Variants in ZC3H12B observed in about 807,000 individuals in gnomAD.
ZC3H12B encodes probable ribonuclease ZC3H12B.
In ZC3H12B, 7 loss-of-function variants were observed where a neutral mutation model predicts 43.9. The ratio of observed to expected loss-of-function variants is 0.16; its 90% CI spans 0.09 to 0.30. The LOEUF (loss-of-function observed/expected upper bound fraction) is 0.30, where lower values mean the gene tolerates loss of function less well. ZC3H12B is among the 10% of genes least tolerant of loss of function. The pLI, the probability that ZC3H12B is intolerant of heterozygous loss-of-function variation, is 1.00. For synonymous variants in ZC3H12B, 222 were observed against 241.7 expected, an observed-to-expected ratio of 0.92 and a Z score of 0.76; for missense variants, 475 against 670.2, an observed-to-expected ratio of 0.71 and a Z score of 3.22.
At chrX:65,387,338 C>A (rs1488785583) in intron 2 of ZC3H12B, among the ~76,000 whole-genome samples, 1 of 111,878 alleles carries the variant, frequency 8.9e-6, no homozygotes, top group African/African-American at 3.3e-5. Context: ...GTGTTGGGTG[C>A]ATACATATTT....
the ZC3H12B span, among the ~76,000 whole-genome samples, chrX:65,159,123 T>G: frequency 8.9e-6 from 1 of 111,930 alleles, no homozygotes; most frequent in Admixed American, 9.5e-5. Context: ...TTCTGTTCCA[T>G]TGGTCTATGT....
At chrX:65,245,022 G>T in the ZC3H12B span, among the ~76,000 whole-genome samples, 1 of 111,172 alleles carries the variant, frequency 9.0e-6, no homozygotes, top group Non-Finnish European at 1.9e-5. Context: ...ACGTAGAGAA[G>T]ATTCAGATCA....
At chrX:65,305,598 C>T in the ZC3H12B span, among the ~76,000 whole-genome samples, 1 of 111,707 alleles carries the variant, frequency 9.0e-6, no homozygotes, top group Non-Finnish European at 1.9e-5. Context: ...TTCTTTTAAT[C>T]CTTTCAGTAA....
the ZC3H12B span, among the ~76,000 whole-genome samples, chrX:65,058,032 C>T: frequency 8.9e-6 from 1 of 112,000 alleles, no homozygotes; most frequent in Non-Finnish European, 1.9e-5. Flanking sequence ...GTTCGAACTT[C>T]CTCCTTTAGC....
the ZC3H12B span, among the ~76,000 whole-genome samples, chrX:65,339,663 G>C: frequency 9.0e-6 from 1 of 111,450 alleles, no homozygotes; most frequent in Non-Finnish European, 1.9e-5. Flanking sequence ...AGTCTGACCT[G>C]AGCACCCCTT....
At chrX:65,159,566 C>T in the ZC3H12B span, among the ~76,000 whole-genome samples, 43 of 111,251 alleles carry the variant, frequency 3.9e-4, no homozygotes, top group Admixed American at 3.7e-3. Context: ...GGCTCTCTGT[C>T]TGTTATTGGT....
At chrX:65,132,660 G>A in the ZC3H12B span, among the ~76,000 whole-genome samples, 1 of 111,388 alleles carries the variant, frequency 9.0e-6, no homozygotes, top group Non-Finnish European at 1.9e-5. Context: ...AACTAAGAAG[G>A]AGTGCATAAA....
the ZC3H12B span, among the ~76,000 whole-genome samples, chrX:65,218,273 A>C: frequency 1.8e-5 from 2 of 112,133 alleles, no homozygotes; most frequent in African/African-American, 6.5e-5. Context: ...TTTTGCTCCA[A>C]GAATTACCAC....
chrX:65,489,298 G>A (rs764577703), exon 1 of ZC3H12B: 16 of 1,209,672 alleles, frequency 1.3e-5, no homozygotes, highest in African/African-American at 5.3e-5. Flanking sequence ...TTAGTGCCTC[G>A]TGGGCCCAGC....
At chrX:65,175,013 C>A in the ZC3H12B span, among the ~76,000 whole-genome samples, 14 of 112,228 alleles carry the variant, frequency 1.2e-4, no homozygotes, top group African/African-American at 4.5e-4. Flanking sequence ...GAAACCCAGG[C>A]CCCTTCAGTG....
the ZC3H12B span, among the ~76,000 whole-genome samples, chrX:65,042,427 T>C: frequency 8.9e-6 from 1 of 112,503 alleles, no homozygotes; most frequent in Non-Finnish European, 1.9e-5. Context: ...GAGTATAAGC[T>C]TAGAAAAAAA....
intron 3 of ZC3H12B, among the ~76,000 whole-genome samples, chrX:65,464,422 A>G (rs1426547196): frequency 9.5e-6 from 1 of 105,030 alleles, no homozygotes; most frequent in Non-Finnish European, 1.9e-5. Flanking sequence ...TATTCATACT[A>G]TAGCATTTCC....
chrX:65,472,838 A>ATGTTTGTG, intron 3 of ZC3H12B, among the ~76,000 whole-genome samples: 1 of 88,758 alleles, frequency 1.1e-5, no homozygotes, highest in African/African-American at 4.3e-5. Context: ...ATATATATAT[A>ATGTTTGTG]TATATATATA....
chrX:65,153,524 A>T, the ZC3H12B span, among the ~76,000 whole-genome samples: 2 of 112,509 alleles, frequency 1.8e-5, no homozygotes, highest in Admixed American at 9.4e-5. Context: ...TCAAAACCAC[A>T]ATGAGATACC....
chrX:65,424,617 T>G (rs1321067864), intron 3 of ZC3H12B, among the ~76,000 whole-genome samples: 1 of 112,398 alleles, frequency 8.9e-6, no homozygotes, highest in Admixed American at 9.4e-5. Flanking sequence ...ATTTAAGTAT[T>G]TATTCCATCT....
the ZC3H12B span, among the ~76,000 whole-genome samples, chrX:65,101,010 G>A: frequency 1.3e-4 from 14 of 111,469 alleles, no homozygotes; most frequent in Admixed American, 1.3e-3. Context: ...ACACTCCTCA[G>A]CAAATTCAAA....
chrX:65,382,237 C>T (rs1297306890), intron 2 of ZC3H12B, among the ~76,000 whole-genome samples: 2 of 109,905 alleles, frequency 1.8e-5, no homozygotes, highest in Admixed American at 2.0e-4. Flanking sequence ...AGCAGCACAT[C>T]AAAAAGCTTA....
intron 3 of ZC3H12B, among the ~76,000 whole-genome samples, chrX:65,407,692 C>G (rs2066849387): frequency 8.8e-6 from 1 of 113,665 alleles, no homozygotes; most frequent in South Asian, 3.5e-4. Context: ...GGACTGGCGC[C>G]GCGCACGCGG....
the ZC3H12B span, among the ~76,000 whole-genome samples, chrX:65,136,777 C>A: frequency 9.0e-6 from 1 of 111,474 alleles, no homozygotes; most frequent in Non-Finnish European, 1.9e-5. Flanking sequence ...ATTTTCTTTA[C>A]CTTTCAGTCT....
Sources: gnomAD v4.1 joint callset for allele counts (sites outside exome capture counted in the v4.1 genomes callset) on GRCh38, gnomAD v4.1.1 for gene constraint, MANE v1.5 for transcripts, NCBI Gene and HGNC (gene_info 2026-07-23, HGNC 2026-07-21) for gene names.